The following FER variants were observed in gnomAD, a reference collection of about 807,000 sequenced individuals.
FER encodes the protein tyrosine-protein kinase Fer.
In FER, 63 loss-of-function variants were observed where a neutral mutation model predicts 111.0. That is an observed-to-expected ratio of 0.57 (90% CI 0.46 to 0.70). The LOEUF is 0.70. Ranked by LOEUF, FER falls within the 30% of genes least tolerant of loss-of-function variation. The pLI is 0.00. For synonymous variants in FER, 327 were observed against 313.9 expected, an observed-to-expected ratio of 1.04 and a Z score of -0.44; for missense variants, 914 against 954.0, an observed-to-expected ratio of 0.96 and a Z score of 0.55.
Position 109,194,126 on chromosome 5 carries a change from A to G in FER, c.*6551A>G, listed in dbSNP as rs1202111154. 6 of 152,226 alleles carry G rather than the reference A, an allele frequency of 3.9e-5. No homozygotes were observed. Among genetic ancestry groups the G allele is most frequent in the Non-Finnish European group, 8.8e-5 (6 of 68,036 alleles). 9.4% of individuals were successfully genotyped at this position (152,226 alleles called of 1,614,324 possible). A position where few individuals can be genotyped will look rare whatever the true frequency, so the allele number is the denominator to read the frequency against. On this transcript the variant is annotated 3_prime_UTR_variant, in exon 20 of 20. Transcript: ENST00000281092. ...GATCAGGTGGCCTCCTCTACCCACT[A>G]AAGAAATGTGTAAACACTAGCAATA...
intron 13 of FER, among the ~76,000 whole-genome samples, chr5:108,961,538 A>T (rs1013078226): frequency 2.6e-5 from 4 of 152,170 alleles, no homozygotes. Context: ...TATATACTGG[A>T]TGCTGTAGAA....
At chr5:109,093,143 A>C (rs1337663343) in intron 16 of FER, among the ~76,000 whole-genome samples, 1 of 152,214 alleles carries the variant, frequency 6.6e-6, no homozygotes, top group Non-Finnish European at 1.5e-5. Context: ...GTAGAGTTTC[A>C]ATCAAGTAAA....
intron 13 of FER, among the ~76,000 whole-genome samples, chr5:108,991,153 A>G (rs892697896): frequency 1.9e-4 from 29 of 152,036 alleles, no homozygotes; most frequent in African/African-American, 7.0e-4. Context: ...GAAAGTTTCA[A>G]TATTGAAATT....
chr5:108,982,831 T>G (rs1762154783), intron 13 of FER, among the ~76,000 whole-genome samples: 1 of 151,908 alleles, frequency 6.6e-6, no homozygotes, highest in Non-Finnish European at 1.5e-5. Context: ...TCTCAACATT[T>G]TTCTCTTTTT....
chr5:109,095,868 T>G (rs1422405472), intron 16 of FER, among the ~76,000 whole-genome samples: 1 of 152,230 alleles, frequency 6.6e-6, no homozygotes, highest in East Asian at 1.9e-4. Context: ...TAAACCAAAC[T>G]TCTCAGGAAA....
At position 108,798,331 on chromosome 5, in the gene FER, G is replaced by A. The variant is rs770006209; in HGVS notation, c.149G>A (p.Cys50Tyr). Reference protein sequence around the residue: ...KEYASTLQNLCNQVDKESTVQ... With the variant: ...KEYASTLQNLYNQVDKESTVQ... ...TATGCATCTACTTTACAGAACCTTTGTAATCAAGTTGATAAGGAAAGTACT... is the reference window on the plus strand; with the variant it reads ...TATGCATCTACTTTACAGAACCTTTATAATCAAGTTGATAAGGAAAGTACT... Residue 50 changes from cysteine to tyrosine, a missense_variant, in exon 3 of 20, where the codon TGT becomes TAT. Physicochemically the swap from Cys to Tyr is radical, Grantham distance 194 (BLOSUM62 -2). Around this residue, in one of 3 missense-constraint regions of FER, gnomAD observed 774 missense variants for 782.6 expected, o/e 0.99. Coordinates refer to ENST00000281092, the MANE Select transcript of FER (RefSeq NM_005246.4). 7 of 1,613,986 alleles carry A rather than the reference G, an allele frequency of 4.3e-6. No homozygotes were observed. Among genetic ancestry groups the A allele is most frequent in the African/African-American group, 1.3e-5 (1 of 75,044 alleles).
intron 17 of FER, among the ~76,000 whole-genome samples, chr5:109,110,480 C>T (rs1347168222): frequency 6.6e-6 from 1 of 151,988 alleles, no homozygotes; most frequent in Non-Finnish European, 1.5e-5. Context: ...CAAAGTAAGC[C>T]AGCAAGGTCA....
intron 17 of FER, among the ~76,000 whole-genome samples, chr5:109,135,623 T>G (rs72796587): frequency 0.063 from 9,567 of 152,200 alleles, 414 homozygotes; most frequent in Middle Eastern, 0.14. Context: ...GGCAATAGAC[T>G]ATAGCCTCCC....
intron 8 of FER, among the ~76,000 whole-genome samples, chr5:108,874,222 A>G (rs1764875801): frequency 6.6e-6 from 1 of 152,214 alleles, no homozygotes; most frequent in Admixed American, 6.5e-5. Flanking sequence ...TTATAAGCTT[A>G]TGTAAAATCA....
At chr5:108,857,937 T>G (rs975418135) in intron 5 of FER, among the ~76,000 whole-genome samples, 1 of 152,220 alleles carries the variant, frequency 6.6e-6, no homozygotes, top group Non-Finnish European at 1.5e-5. Context: ...CTTTTCCTAC[T>G]TCAGGTTCCA....
At chr5:108,872,630 T>C (rs1764707260) in intron 8 of FER, among the ~76,000 whole-genome samples, 1 of 152,152 alleles carries the variant, frequency 6.6e-6, no homozygotes, top group Non-Finnish European at 1.5e-5. Context: ...AATTATTTTC[T>C]CTTGAAGCAG....
At chr5:108,775,540 A>G (rs1331434629) in intron 2 of FER, among the ~76,000 whole-genome samples, 3 of 152,172 alleles carry the variant, frequency 2.0e-5, no homozygotes, top group African/African-American at 7.2e-5. Context: ...TAAAAATATA[A>G]TAGTTGATTT....
chr5:108,828,004 A>C (rs1025316673), intron 3 of FER, among the ~76,000 whole-genome samples: 1 of 151,668 alleles, frequency 6.6e-6, no homozygotes, highest in Non-Finnish European at 1.5e-5. Context: ...TAATGTTTAA[A>C]TTTAAAAACA....
intron 1 of FER, among the ~76,000 whole-genome samples, chr5:108,758,864 T>C (rs1319183859): frequency 6.6e-6 from 1 of 152,200 alleles, no homozygotes; most frequent in Non-Finnish European, 1.5e-5. Flanking sequence ...GCATTTACTA[T>C]AGTCCTCTAG....
At chr5:108,834,824 T>A (rs1760445434) in intron 4 of FER, among the ~76,000 whole-genome samples, 1 of 152,196 alleles carries the variant, frequency 6.6e-6, no homozygotes, top group Admixed American at 6.5e-5. Context: ...TTTTGTTTAT[T>A]CACACAGTGT....
At chr5:109,082,371 T>C (rs1777087269) in intron 16 of FER, among the ~76,000 whole-genome samples, 1 of 152,016 alleles carries the variant, frequency 6.6e-6, no homozygotes, top group Admixed American at 6.6e-5. Flanking sequence ...ATGCATGTCC[T>C]TTCAGAACAC....
intron 13 of FER, among the ~76,000 whole-genome samples, chr5:109,035,338 T>C (rs1396997879): frequency 6.6e-6 from 1 of 152,204 alleles, no homozygotes; most frequent in African/African-American, 2.4e-5. Flanking sequence ...ACTTCTCTGA[T>C]ACCTAGCATT....
chr5:109,068,684 CTT>C (rs1454920446), intron 16 of FER, among the ~76,000 whole-genome samples: 2 of 152,148 alleles, frequency 1.3e-5, no homozygotes, highest in African/African-American at 4.8e-5. Context: ...TACTTGATCT[CTT>C]TAAGCCTCAA....
chr5:108,789,608 C>T (rs1376112768), intron 2 of FER, among the ~76,000 whole-genome samples: 2 of 150,742 alleles, frequency 1.3e-5, no homozygotes, highest in African/African-American at 4.9e-5. Flanking sequence ...TCTTTTTCTT[C>T]TTCTTCTTTT....
Sources: allele counts gnomAD v4.1 joint callset (sites outside exome capture counted in the v4.1 genomes callset), GRCh38; gene constraint gnomAD v4.1.1; regional missense constraint gnomAD v4.1.1; transcripts MANE v1.5; gene names NCBI Gene and HGNC (gene_info 2026-07-23, HGNC 2026-07-21).